PAM: variants seen among roughly 807,000 people sequenced by gnomAD.
PAM encodes the protein peptidyl-glycine alpha-amidating monooxygenase.
Under a neutral mutation model 122.1 loss-of-function variants are expected in PAM, and 72 were observed. That is an observed-to-expected ratio of 0.59 (90% CI 0.49 to 0.72). The LOEUF (loss-of-function observed/expected upper bound fraction) is 0.72. Ranked by LOEUF, PAM falls within the 30% of genes least tolerant of loss-of-function variation. The pLI is 0.00. For synonymous variants in PAM, 389 were observed against 404.4 expected, an observed-to-expected ratio of 0.96 and a Z score of 0.46; for missense variants, 1,106 against 1,183.7, an observed-to-expected ratio of 0.93 and a Z score of 0.96.
chr5:102,918,833 A>G (rs1746377662), intron 5 of PAM, among the ~76,000 whole-genome samples: 1 of 152,080 alleles, frequency 6.6e-6, no homozygotes, highest in Non-Finnish European at 1.5e-5. Context: ...AAACCCCAAG[A>G]TTTTGTGTTT....
chr5:102,918,355 A>G (rs1295648758), intron 5 of PAM, among the ~76,000 whole-genome samples: 5 of 152,154 alleles, frequency 3.3e-5, no homozygotes, highest in African/African-American at 4.8e-5. Flanking sequence ...AAGCATGACA[A>G]TTCTAAGTTC....
chr5:102,916,486 GC>G (rs1270741800), intron 5 of PAM, among the ~76,000 whole-genome samples: 1 of 151,654 alleles, frequency 6.6e-6, no homozygotes, highest in East Asian at 1.9e-4. Flanking sequence ...GACAATTGGT[GC>G]TGTTATTCAT....
rs1785867773 is a variant in PAM at position 102,867,178 on chromosome 5, A to G, written c.90-95A>G. On this transcript the variant is annotated intron_variant, in intron 2 of 25. Coordinates refer to ENST00000438793, the MANE Select transcript of PAM (RefSeq NM_001177306.2). Reference sequence around the variant, plus strand: ...AGTTTTCATTGGGTTTAAATCAATCATCTTTAAGGTCATAGAATTCCTTTC... The same window carrying G: ...AGTTTTCATTGGGTTTAAATCAATCGTCTTTAAGGTCATAGAATTCCTTTC... The G allele has an allele frequency of 9.1e-6, 7 of 771,446 alleles. No individual in the cohort carries two copies. In the East Asian group the frequency reaches 1.8e-4, roughly 19 times the overall value. The allele number at this position is 771,446 out of a possible 1,614,324, so 47.8% of individuals were successfully genotyped here.
At chr5:102,862,919 T>C (rs1244265536) in intron 1 of PAM, among the ~76,000 whole-genome samples, 1 of 152,052 alleles carries the variant, frequency 6.6e-6, no homozygotes, top group Non-Finnish European at 1.5e-5. Context: ...TATAAATGAA[T>C]ACACGACTGA....
chr5:102,958,389 T>C (rs116583095), intron 12 of PAM, among the ~76,000 whole-genome samples: 2,963 of 152,164 alleles, frequency 0.019, 41 homozygotes, highest in Middle Eastern at 0.058. Context: ...ATATACCTCC[T>C]TTTTTTTAAA....
At chr5:102,758,116 CA>C (rs2149639391) in intron 1 of PAM, among the ~76,000 whole-genome samples, 1 of 96,708 alleles carries the variant, frequency 1.0e-5, no homozygotes, top group Non-Finnish European at 2.0e-5. Flanking sequence ...TTTCTTGGGG[CA>C]AAGAATGAGC....
chr5:102,823,859 A>G (rs1287324215), intron 1 of PAM, among the ~76,000 whole-genome samples: 1 of 152,200 alleles, frequency 6.6e-6, no homozygotes, highest in Middle Eastern at 3.2e-3. Context: ...TGCAGGTCAC[A>G]GAAAGGGAAC....
intron 3 of PAM, among the ~76,000 whole-genome samples, chr5:102,881,514 A>T (rs1274325290): frequency 1.3e-5 from 2 of 152,060 alleles, no homozygotes; most frequent in Non-Finnish European, 2.9e-5. Flanking sequence ...AAGTAGAGTT[A>T]TCTTCTAAAG....
At chr5:102,902,914 C>T (rs917282518) in intron 4 of PAM, among the ~76,000 whole-genome samples, 9 of 151,412 alleles carry the variant, frequency 5.9e-5, no homozygotes, top group African/African-American at 1.7e-4. Flanking sequence ...GATTTTAGAA[C>T]CAGTGACTGT....
chr5:103,004,799 C>T (rs1421575261), intron 17 of PAM, among the ~76,000 whole-genome samples: 1 of 152,114 alleles, frequency 6.6e-6, no homozygotes, highest in Non-Finnish European at 1.5e-5. Flanking sequence ...ATTTATGTTT[C>T]TTAAGTCAGT....
rs1387532454 is a variant in PAM at position 103,006,673 on chromosome 5, A to G, written c.1804-128A>G. On this transcript the variant is annotated intron_variant, in intron 18 of 25. Transcript: ENST00000438793. ...TCCCGTTCAGTTCTAACAAGTATTA[A>G]TACCTTCTTTTAAATAAGTCTCTGG... The G allele has an allele frequency of 4.4e-6, 3 of 678,994 alleles. No individual in the cohort carries two copies. The African/African-American group carries it at 5.4e-5, about 12-fold the overall frequency. 42.1% of individuals were successfully genotyped at this position (678,994 alleles called of 1,614,324 possible).
At chr5:102,978,302 A>T (rs187538970) in intron 15 of PAM, among the ~76,000 whole-genome samples, 138 of 152,342 alleles carry the variant, frequency 9.1e-4, no homozygotes, top group Non-Finnish European at 1.2e-3. Context: ...TGCATGTGAT[A>T]TATGACATAC....
chr5:102,889,424 C>A (rs978736674), intron 3 of PAM, among the ~76,000 whole-genome samples: 1 of 151,836 alleles, frequency 6.6e-6, no homozygotes, highest in Non-Finnish European at 1.5e-5. Flanking sequence ...CTTCTTGGCT[C>A]TTAGGTTTTT....
At chr5:102,994,153 T>A (rs1158232937) in intron 16 of PAM, among the ~76,000 whole-genome samples, 1 of 152,090 alleles carries the variant, frequency 6.6e-6, no homozygotes, top group African/African-American at 2.4e-5. Context: ...AATGTATACA[T>A]CTCTTCTACA....
In PAM at chr5:102,974,306, T is replaced by C. The variant is rs982096409; in HGVS notation, c.1353T>C (p.Ala451=). Residue 451 remains alanine, a synonymous_variant, in exon 15 of 26, where the codon GCT becomes GCC. Coordinates refer to ENST00000438793, the MANE Select transcript of PAM (RefSeq NM_001177306.2). ...REGAEHERGN[A]ILVRDRIHKF... is the part of the protein sequence containing the mutation. ...GTGCAGAACATGAGAGGGGTAATGC[T>C]ATTCTTGTCAGAGACAGAATTCACA... The C allele has an allele frequency of 2.5e-6, 4 of 1,613,918 alleles. No homozygotes were observed. The highest frequency in any genetic ancestry group is 3.4e-6 in the Non-Finnish European group (4 of 1,179,906).
intron 1 of PAM, among the ~76,000 whole-genome samples, chr5:102,770,086 A>G (rs1755300185): frequency 6.6e-6 from 1 of 152,040 alleles, no homozygotes; most frequent in South Asian, 2.1e-4. Flanking sequence ...TCTTTGATTA[A>G]TTCATAGGTA....
At chr5:102,802,900 G>A (rs757943082) in intron 1 of PAM, among the ~76,000 whole-genome samples, 7 of 152,092 alleles carry the variant, frequency 4.6e-5, no homozygotes, top group Non-Finnish European at 8.8e-5. Context: ...AGGAAGTGAT[G>A]TTTAGGAAAG....
In PAM at chr5:102,784,138, C is replaced by T. The variant is rs375361543; in HGVS notation, c.-374+28790C>T. The stretch of plus-strand genomic sequence containing the variant: ...TCGATCTCCTGACCTTGTGATCCGC[C>T]CGCCTCAGACTCCCAAAGTGCTGGG... On this transcript the variant is annotated intron_variant, in intron 1 of 25. Coordinates refer to ENST00000438793, the MANE Select transcript of PAM (RefSeq NM_001177306.2). Among the ~76,000 whole-genome samples, 14 of 152,146 alleles carry T rather than the reference C, an allele frequency of 9.2e-5. No individual in the cohort carries two copies. The East Asian group carries it at 2.5e-3, about 27-fold the overall frequency.
intron 22 of PAM, among the ~76,000 whole-genome samples, chr5:103,018,103 C>G: frequency 6.6e-6 from 1 of 152,002 alleles, no homozygotes; most frequent in Admixed American, 6.6e-5. Flanking sequence ...TTGAAGTGTA[C>G]CAAATGCTTG....
Sources: gnomAD v4.1 joint callset for allele counts (sites outside exome capture counted in the v4.1 genomes callset) on GRCh38, gnomAD v4.1.1 for gene constraint, MANE v1.5 for transcripts, NCBI Gene and HGNC (gene_info 2026-07-23, HGNC 2026-07-21) for gene names.